OPCML: variants seen among roughly 807,000 people sequenced by gnomAD.
OPCML encodes the protein opioid-binding protein/cell adhesion molecule.
A neutral mutation model predicts 37.8 loss-of-function variants in OPCML; 13 were observed. The observed-to-expected ratio is 0.34, with a 90% confidence interval of 0.22 to 0.55. The LOEUF is 0.55. OPCML is among the 20% of genes least tolerant of loss of function. The pLI, the probability that OPCML is intolerant of heterozygous loss-of-function variation, is 0.91. For missense variants in OPCML, 341 were observed against 435.6 expected, an observed-to-expected ratio of 0.78 and a Z score of 1.93; for synonymous variants, 176 against 168.8, an observed-to-expected ratio of 1.04 and a Z score of -0.33.
chr11:132,929,025 T>G (rs985080054), intron 2 of OPCML, among the ~76,000 whole-genome samples: 1 of 150,924 alleles, frequency 6.6e-6, no homozygotes, highest in Non-Finnish European at 1.5e-5. Context: ...CTCAACAATC[T>G]AATTTTAAGC....
At chr11:133,382,864 A>C (rs1324466056) in intron 1 of OPCML, among the ~76,000 whole-genome samples, 1 of 152,080 alleles carries the variant, frequency 6.6e-6, no homozygotes, top group Non-Finnish European at 1.5e-5. Flanking sequence ...GAGTTTTTAA[A>C]ACTGCCACAT....
rs564820777 is a variant in OPCML, at chr11:133,525,156, G to T, written c.61+7108C>A. 6.6e-5 allele frequency among the ~76,000 whole-genome samples: 10 copies of T among 152,306 alleles called. No homozygotes were observed. The East Asian group carries it at 1.9e-3, about 29-fold the overall frequency. ...CACAGTTTTAGAAAAGAGAAGTCTG[G>T]TTCCGAGGACTTGCACAATAAACAG... On this transcript the variant is annotated intron_variant, in intron 1 of 7. Coordinates refer to ENST00000524381, the MANE Select transcript of OPCML (RefSeq NM_001012393.5).
At chr11:132,497,718 G>A (rs1476843017) in intron 4 of OPCML, among the ~76,000 whole-genome samples, 1 of 152,156 alleles carries the variant, frequency 6.6e-6, no homozygotes, top group Non-Finnish European at 1.5e-5. Context: ...GGGGAATAAT[G>A]ATAGAACAAG....
chr11:132,975,318 C>T (rs922078466), intron 1 of OPCML, among the ~76,000 whole-genome samples: 2 of 151,132 alleles, frequency 1.3e-5, no homozygotes, highest in African/African-American at 4.9e-5. Flanking sequence ...CTATGGAAGT[C>T]CTCTCTGATG....
At chr11:133,027,953 A>G (rs1484222312) in intron 1 of OPCML, among the ~76,000 whole-genome samples, 2 of 151,528 alleles carry the variant, frequency 1.3e-5, no homozygotes, top group Non-Finnish European at 2.9e-5. Flanking sequence ...CAAAGTATCA[A>G]TGTGCTTTTC....
At chr11:133,187,519 G>A (rs1938135701) in intron 1 of OPCML, among the ~76,000 whole-genome samples, 1 of 152,034 alleles carries the variant, frequency 6.6e-6, no homozygotes, top group Non-Finnish European at 1.5e-5. Flanking sequence ...ATGGTCTGTT[G>A]GTTTTTCTGG....
intron 1 of OPCML, among the ~76,000 whole-genome samples, chr11:133,058,071 C>T (rs1948272858): frequency 6.6e-6 from 1 of 152,198 alleles, no homozygotes; most frequent in African/African-American, 2.4e-5. Context: ...CAGTACCTGG[C>T]ACAGAGCTTG....
At chr11:132,916,154 T>C (rs1045003305) in intron 2 of OPCML, among the ~76,000 whole-genome samples, 4 of 152,232 alleles carry the variant, frequency 2.6e-5, no homozygotes, top group African/African-American at 9.6e-5. Context: ...GTATAAAGTG[T>C]AGTTTTACCC....
At chr11:132,480,872 C>G (rs146072061) in intron 4 of OPCML, among the ~76,000 whole-genome samples, 1,877 of 151,990 alleles carry the variant, frequency 0.012, 43 homozygotes, top group African/African-American at 0.043. Context: ...GAATGAAGCG[C>G]TAAACATGGA....
chr11:132,526,087 T>C (rs1471683625), intron 4 of OPCML, among the ~76,000 whole-genome samples: 1 of 152,142 alleles, frequency 6.6e-6, no homozygotes, highest in Non-Finnish European at 1.5e-5. Context: ...TATTACACTC[T>C]GTAAAAGATT....
intron 1 of OPCML, 170 bp downstream of exon 1, chr11:133,532,090 CGAGT>C (rs531607734): frequency 5.7e-5 from 36 of 635,382 alleles, no homozygotes; most frequent in African/African-American, 4.7e-4. Flanking sequence ...CGCGTGTGAG[CGAGT>C]GAGTGTGTGT....
chr11:133,526,045 A>T (rs2120734047), intron 1 of OPCML, among the ~76,000 whole-genome samples: 1 of 152,368 alleles, frequency 6.6e-6, no homozygotes, highest in East Asian at 1.9e-4. Flanking sequence ...TAGTGACTGC[A>T]GGATGGTCCC....
At chr11:132,868,452 A>T (rs1022102297) in intron 2 of OPCML, among the ~76,000 whole-genome samples, 1 of 152,114 alleles carries the variant, frequency 6.6e-6, no homozygotes, top group Non-Finnish European at 1.5e-5. Flanking sequence ...CGTTGTTTTT[A>T]GACAAGTCAC....
intron 1 of OPCML, among the ~76,000 whole-genome samples, chr11:133,445,375 G>A (rs1427482464): frequency 6.6e-6 from 1 of 152,198 alleles, no homozygotes; most frequent in African/African-American, 2.4e-5. Context: ...CTTAAACTCA[G>A]GCAGACCTGC....
chr11:133,357,169 T>C (rs1431806973), intron 1 of OPCML, among the ~76,000 whole-genome samples: 1 of 152,212 alleles, frequency 6.6e-6, no homozygotes, highest in African/African-American at 2.4e-5. Flanking sequence ...ACCCCAGGCA[T>C]GGTCGTTGTT....
intron 1 of OPCML, among the ~76,000 whole-genome samples, chr11:132,954,578 G>A (rs1407000785): frequency 3.9e-5 from 6 of 152,152 alleles, no homozygotes; most frequent in African/African-American, 7.2e-5. Context: ...AGGGCAGGGC[G>A]TTAAACATTG....
At chr11:133,042,738 C>A (rs950221583) in intron 1 of OPCML, among the ~76,000 whole-genome samples, 1 of 152,146 alleles carries the variant, frequency 6.6e-6, no homozygotes, top group Admixed American at 6.5e-5. Flanking sequence ...CAAACGTTAT[C>A]GGAGGGTGCC....
At chr11:132,962,017 G>C (rs988828124) in intron 1 of OPCML, among the ~76,000 whole-genome samples, 8 of 152,222 alleles carry the variant, frequency 5.3e-5, no homozygotes, top group African/African-American at 1.9e-4. Flanking sequence ...TGACCTAGTT[G>C]AGTCCAGGAC....
chr11:133,021,548 G>A (rs1261126407), intron 1 of OPCML, among the ~76,000 whole-genome samples: 1 of 152,126 alleles, frequency 6.6e-6, no homozygotes, highest in Non-Finnish European at 1.5e-5. Context: ...ATAATCAAGT[G>A]GGCAGGGAGT....
Sources: allele counts gnomAD v4.1 joint callset (sites outside exome capture counted in the v4.1 genomes callset), GRCh38; gene constraint gnomAD v4.1.1; transcripts MANE v1.5; gene names NCBI Gene and HGNC (gene_info 2026-07-23, HGNC 2026-07-21).